CCNY: variants seen among roughly 807,000 people sequenced by gnomAD.
CCNY encodes cyclin-Y.
A neutral mutation model predicts 42.8 loss-of-function variants in CCNY; 19 were observed. The ratio of observed to expected loss-of-function variants is 0.44; its 90% CI spans 0.31 to 0.65. The LOEUF is 0.65. Ranked by LOEUF, CCNY falls within the 30% of genes least tolerant of loss-of-function variation. The probability of loss-of-function intolerance (pLI) is 0.07; values close to 1 mark genes in which losing one functional copy is unlikely to be tolerated. For synonymous variants in CCNY, 165 were observed against 162.7 expected (o/e 1.01, Z -0.11); for missense variants, 370 against 437.3 (o/e 0.85, Z 1.37).
At position 35,282,612 on chromosome 10, in the gene CCNY, A is replaced by AG. The variant is rs1165976077; in HGVS notation, c.-9+31986_-9+31987insG. 2.0e-5 allele frequency among the ~76,000 whole-genome samples: 3 copies of AG among 151,184 alleles called. No homozygotes were observed. The East Asian group carries it at 5.9e-4, about 30-fold the overall frequency. On this transcript the variant is annotated intron_variant, in intron 3 of 11. Coordinates refer to the CCNY transcript ENST00000374706. The stretch of plus-strand genomic sequence containing the variant: ...CGTGGTGGCAGGTGCCTCCCAAGCT[A>AG]CTTGGGAGGCTGAGGCAGGAAAATC...
chr10:35,382,083 G>A (rs1389103890), intron 1 of CCNY, among the ~76,000 whole-genome samples: 4 of 152,022 alleles, frequency 2.6e-5, no homozygotes, highest in Non-Finnish European at 5.9e-5. Context: ...TTCCTTCCTG[G>A]GTGTCTAATG....
At chr10:35,278,520 T>C (rs1589013668) in intron 3 of CCNY, among the ~76,000 whole-genome samples, 1 of 152,106 alleles carries the variant, frequency 6.6e-6, no homozygotes, top group East Asian at 1.9e-4. Context: ...TTTTCTTAGA[T>C]ATTCCCTGGA....
intron 1 of CCNY, among the ~76,000 whole-genome samples, chr10:35,362,930 C>T (rs545904864): frequency 2.0e-5 from 3 of 151,674 alleles, no homozygotes; most frequent in African/African-American, 7.3e-5. Context: ...AGGCGATCCT[C>T]ACTTCCCAGA....
chr10:35,381,743 T>C (rs1218693871), intron 1 of CCNY, among the ~76,000 whole-genome samples: 1 of 152,200 alleles, frequency 6.6e-6, no homozygotes, highest in Non-Finnish European at 1.5e-5. Context: ...TGTATTTAAC[T>C]CTGTAGTATT....
At chr10:35,321,815 G>C (rs1835825659) in intron 3 of CCNY, among the ~76,000 whole-genome samples, 1 of 152,140 alleles carries the variant, frequency 6.6e-6, no homozygotes, top group Admixed American at 6.5e-5. Context: ...TTTCAAGACT[G>C]ACTATAAAGC....
At chr10:35,460,243 T>C (rs555113654) in intron 1 of CCNY, among the ~76,000 whole-genome samples, 2 of 152,354 alleles carry the variant, frequency 1.3e-5, no homozygotes, top group East Asian at 3.9e-4. Context: ...CTCTCTCTCG[T>C]ATATCTCTAT....
rs750797878 is a variant in CCNY, at chr10:35,566,204, G to A, written c.909+19G>A. 7 of 1,607,582 alleles carry A rather than the reference G, an allele frequency of 4.4e-6. No homozygotes were observed. The African/African-American group carries it at 6.7e-5, about 15-fold the overall frequency. On this transcript the variant is annotated intron_variant, in intron 9 of 9. Coordinates refer to ENST00000374704, the MANE Select transcript of CCNY (RefSeq NM_145012.6). Reference sequence around the variant, plus strand: ...GCTTGAGGTAAGATGGTTTAAAACAGCGTTTTGTGGTGCAGTGTTGCCAAT... The same window carrying A: ...GCTTGAGGTAAGATGGTTTAAAACAACGTTTTGTGGTGCAGTGTTGCCAAT...
chr10:35,529,731 G>A (rs566437293), intron 5 of CCNY, among the ~76,000 whole-genome samples: 42 of 151,980 alleles, frequency 2.8e-4, no homozygotes, highest in African/African-American at 1.0e-3. Context: ...TTAGCCGGGT[G>A]TGGTGTTGTG....
At chr10:35,430,043 A>C (rs1262628203) in intron 1 of CCNY, among the ~76,000 whole-genome samples, 2 of 152,190 alleles carry the variant, frequency 1.3e-5, no homozygotes, top group African/African-American at 4.8e-5. Flanking sequence ...ATTACAAAAA[A>C]AAAGTGATGA....
At chr10:35,379,957 G>A (rs759528210) in intron 1 of CCNY, among the ~76,000 whole-genome samples, 4 of 152,204 alleles carry the variant, frequency 2.6e-5, no homozygotes, top group Non-Finnish European at 4.4e-5. Context: ...GTCCCAGGCT[G>A]TCATATGAAG....
intron 1 of CCNY, among the ~76,000 whole-genome samples, chr10:35,338,448 T>G (rs1836101879): frequency 6.6e-6 from 1 of 152,246 alleles, no homozygotes; most frequent in South Asian, 2.1e-4. Context: ...TGTTGTTATT[T>G]TAGATTTCCA....
At chr10:35,495,154 G>A (rs1386185985) in intron 2 of CCNY, among the ~76,000 whole-genome samples, 1 of 152,226 alleles carries the variant, frequency 6.6e-6, no homozygotes, top group African/African-American at 2.4e-5. Context: ...GATACTCTGT[G>A]TGTGTGTATG....
chr10:35,336,330 C>A (rs1217728270), upstream of CCNY: 2 of 152,182 alleles, frequency 1.3e-5, no homozygotes, highest in Non-Finnish European at 2.9e-5. Flanking sequence ...TCTCCCGCGA[C>A]CCCAGTGCCC....
rs577572744 is a variant in CCNY, at chr10:35,471,271, G to T, written c.155-12133G>T. Among the ~76,000 whole-genome samples the T allele has an allele frequency of 3.3e-5, 5 of 152,262 alleles. No individual in the cohort carries two copies. In the South Asian group the frequency reaches 1.0e-3, roughly 32 times the overall value. ...GGGGATGCGAGGGGCTTGCGAGGGG[G>T]AGGGGATAGTTTGACTTTACAGGCT... On this transcript the variant is annotated intron_variant, in intron 1 of 9. Coordinates refer to ENST00000374704, the MANE Select transcript of CCNY (RefSeq NM_145012.6).
intron 3 of CCNY, among the ~76,000 whole-genome samples, chr10:35,510,123 T>C (rs922428574): frequency 6.6e-6 from 1 of 152,194 alleles, no homozygotes; most frequent in African/African-American, 2.4e-5. Context: ...TAAAAAAAAT[T>C]GTGGAGCTTT....
chr10:35,516,753 G>A (rs1347407709), intron 4 of CCNY, 130 bp downstream of exon 4: 1 of 599,112 alleles, frequency 1.7e-6, no homozygotes, highest in African/African-American at 1.9e-5. Flanking sequence ...TGGGGTCTGG[G>A]AGTGATAAGA....
At chr10:35,284,845 A>T (rs1051380045) in intron 3 of CCNY, among the ~76,000 whole-genome samples, 9 of 152,066 alleles carry the variant, frequency 5.9e-5, no homozygotes, top group South Asian at 2.1e-4. Context: ...ATAATTTGTA[A>T]TTTCCCTTGG....
intron 3 of CCNY, among the ~76,000 whole-genome samples, chr10:35,270,773 T>C (rs1835155100): frequency 1.4e-5 from 2 of 147,696 alleles, no homozygotes; most frequent in Non-Finnish European, 3.0e-5. Flanking sequence ...TCGCCTAGGC[T>C]GGAGTGCAGT....
rs140453269 is a variant in CCNY at position 35,273,482 on chromosome 10, G to T, written c.-9+22856G>T. On this transcript the variant is annotated intron_variant, in intron 3 of 11. Transcript: ENST00000374706. The stretch of plus-strand genomic sequence containing the variant: ...AGCCTCCCAAAGTGCTGGGATTACA[G>T]GCATGAGCCACTGTGGCCGGCGATC... 5.6e-3 allele frequency among the ~76,000 whole-genome samples: 858 copies of T among 152,148 alleles called. 8 individuals are homozygous for T. Among genetic ancestry groups the T allele is most frequent in the Non-Finnish European group, 6.8e-3 (463 of 68,010 alleles).
Sources: gnomAD v4.1 joint callset for allele counts (sites outside exome capture counted in the v4.1 genomes callset) on GRCh38, gnomAD v4.1.1 for gene constraint, MANE v1.5 for transcripts, NCBI Gene and HGNC (gene_info 2026-07-23, HGNC 2026-07-21) for gene names.